PDXK: variants seen among roughly 807,000 people sequenced by gnomAD.
The protein encoded by PDXK is epididymis secretory sperm binding protein Li 1a.
In PDXK, 15 loss-of-function variants were observed where a neutral mutation model predicts 43.2. That is an observed-to-expected ratio of 0.35 (90% confidence interval 0.23 to 0.53). The LOEUF (loss-of-function observed/expected upper bound fraction) is 0.53, where lower values mean the gene tolerates loss of function less well. Ranked by LOEUF, PDXK falls within the 20% of genes least tolerant of loss-of-function variation. The pLI, the probability that PDXK is intolerant of heterozygous loss-of-function variation, is 0.92. For missense variants in PDXK, 343 were observed against 417.0 expected, an observed-to-expected ratio of 0.82 and a Z score of 1.54; for synonymous variants, 172 against 165.4, an observed-to-expected ratio of 1.04 and a Z score of -0.31.
Position 43,735,462 on chromosome 21 carries a change from G to A in PDXK, c.142+1339G>A, listed in dbSNP as rs1170148472. On this transcript the variant is annotated intron_variant, in intron 2 of 10. Coordinates refer to ENST00000291565, the MANE Select transcript of PDXK (RefSeq NM_003681.5). This position sits in a 1 kb window ranked among gnomAD's most constrained non-coding sequence, Gnocchi z 5.3. ...TGGTGGAAGCTTCTCAGTGGGTGGTGGGCTGGCTGACCCGAGGGCCCAGAG... is the reference window on the plus strand; with the variant it reads ...TGGTGGAAGCTTCTCAGTGGGTGGTAGGCTGGCTGACCCGAGGGCCCAGAG... Among the ~76,000 whole-genome samples the A allele has an allele frequency of 6.6e-6, 1 of 152,050 alleles. No homozygotes were observed. Among genetic ancestry groups the A allele is most frequent in the African/African-American group, 2.4e-5 (1 of 41,384 alleles).
intron 1 of PDXK, among the ~76,000 whole-genome samples, chr21:43,724,221 C>T (rs926792932): frequency 1.3e-5 from 2 of 152,126 alleles, no homozygotes; most frequent in African/African-American, 4.8e-5. Context: ...ATGCCATGCC[C>T]GTTAGGCAGG....
At position 43,737,358 on chromosome 21, in the gene PDXK, C is replaced by G; in HGVS notation, c.142+3235C>G. The G allele has an allele frequency of 7.8e-7, 1 of 1,276,596 alleles. No homozygotes were observed. The highest frequency in any genetic ancestry group is 9.9e-7 in the Non-Finnish European group (1 of 1,006,736). 79.1% of individuals were successfully genotyped at this position (1,276,596 alleles called of 1,614,324 possible). A position where few individuals can be genotyped will look rare whatever the true frequency, so the allele number is the denominator to read the frequency against. ...AGGCCCCCGTTCCTTGAGGCCGTAC[C>G]ACAAGGTGCGTTCATTTTTCCACAC... On this transcript the variant is annotated intron_variant, in intron 2 of 10. Transcript: ENST00000291565. This position sits in a 1 kb window ranked among gnomAD's most constrained non-coding sequence, Gnocchi z 4.8.
At chr21:43,755,859 C>A in intron 10 of PDXK, 92 bp from the exon 11 acceptor site, 1 of 1,440,442 alleles carries the variant, frequency 6.9e-7, no homozygotes, top group South Asian at 1.1e-5. Context: ...AAGGTGTGAT[C>A]GGTGTCTCCT....
chr21:43,750,783 GGTGTGTGT>G (rs66931044), intron 7 of PDXK, among the ~76,000 whole-genome samples: 1 of 140,730 alleles, frequency 7.1e-6, no homozygotes, highest in African/African-American at 2.6e-5. Flanking sequence ...ATTGTGTGTG[GGTGTGTGT>G]GTGGATGTGT....
At chr21:43,741,821 C>A (rs1462507139) in intron 3 of PDXK, 50 bp downstream of exon 3, 2 of 1,277,964 alleles carry the variant, frequency 1.6e-6, no homozygotes, top group Admixed American at 1.7e-5. Flanking sequence ...CCACTCCAGC[C>A]AGGGTGGGCT....
intron 4 of PDXK, chr21:43,745,799 C>A (rs182477463): frequency 4.2e-5 from 18 of 427,256 alleles, no homozygotes. Flanking sequence ...GAGTTCAAAA[C>A]CAGCCTCGGC....
In PDXK at chr21:43,762,117, T is replaced by G. The variant is rs2083941563; in HGVS notation, c.*6054T>G. On this transcript the variant is annotated 3_prime_UTR_variant, in exon 11 of 11. Coordinates refer to ENST00000291565, the MANE Select transcript of PDXK (RefSeq NM_003681.5). The stretch of plus-strand genomic sequence containing the variant: ...GCACCTGTCGCCTCCGTGGTCCCCC[T>G]GCTGAGGGAGTGCGGCCTCTGCAAG... 6.5e-6 allele frequency: 1 copy of G among 153,474 alleles called. No homozygotes were observed. Among genetic ancestry groups the G allele is most frequent in the South Asian group, 2.1e-4 (1 of 4,836 alleles). 9.5% of individuals were successfully genotyped at this position (153,474 alleles called of 1,614,324 possible). A position where few individuals can be genotyped will look rare whatever the true frequency, so the allele number is the denominator to read the frequency against.
intron 2 of PDXK, among the ~76,000 whole-genome samples, chr21:43,736,315 C>T (rs1444796285): frequency 6.6e-6 from 1 of 152,184 alleles, no homozygotes; most frequent in Non-Finnish European, 1.5e-5. Flanking sequence ...GCTGCGCTCC[C>T]CGGGCTGTCT....
rs2083369119 is a variant in PDXK at position 43,734,289 on chromosome 21, A to G, written c.142+166A>G. ...GTCGCTCGGGCAGAGCCTGCACAGCATATCAGGGTGTAGGCCTGGGTGGCC... is the reference window on the plus strand; with the variant it reads ...GTCGCTCGGGCAGAGCCTGCACAGCGTATCAGGGTGTAGGCCTGGGTGGCC... On this transcript the variant is annotated intron_variant, in intron 2 of 10. Coordinates refer to ENST00000291565, the MANE Select transcript of PDXK (RefSeq NM_003681.5). The surrounding 1 kb of genome is among the most constrained non-coding windows in gnomAD (Gnocchi z 5.0). Among the ~76,000 whole-genome samples, 1 of 146,628 alleles carries G rather than the reference A, an allele frequency of 6.8e-6. No homozygotes were observed. The highest frequency in any genetic ancestry group is 1.5e-5 in the Non-Finnish European group (1 of 66,422).
In PDXK at chr21:43,761,784, A is replaced by T. The variant is rs971566466; in HGVS notation, c.*5721A>T. ...CACAGCGTGTCGAGCAGCTGGGAGA[A>T]CCTGTGTCAAGCTCGAGCCGTCATA... On this transcript the variant is annotated 3_prime_UTR_variant, in exon 11 of 11. Coordinates refer to ENST00000291565, the MANE Select transcript of PDXK (RefSeq NM_003681.5). The T allele has an allele frequency of 6.6e-6, 1 of 152,204 alleles. No homozygotes were observed. The highest frequency in any genetic ancestry group is 2.4e-5 in the African/African-American group (1 of 41,374). 9.4% of individuals were successfully genotyped at this position (152,204 alleles called of 1,614,324 possible). A position where few individuals can be genotyped will look rare whatever the true frequency, so the allele number is the denominator to read the frequency against.
At chr21:43,745,477 G>C (rs1489901238) in intron 4 of PDXK, among the ~76,000 whole-genome samples, 1 of 151,932 alleles carries the variant, frequency 6.6e-6, no homozygotes, top group East Asian at 1.9e-4. Context: ...GGCAGGGGGA[G>C]TGGGGCGTGA....
intron 10 of PDXK, 47 bp from the exon 11 acceptor site, chr21:43,755,904 G>C (rs1412400475): frequency 4.0e-6 from 6 of 1,506,526 alleles, no homozygotes; most frequent in Non-Finnish European, 3.7e-6. Context: ...GGCAACAGCG[G>C]GAGCCCCTCT....
intron 1 of PDXK, among the ~76,000 whole-genome samples, chr21:43,724,477 G>A (rs1250202039): frequency 2.6e-5 from 4 of 152,138 alleles, no homozygotes; most frequent in African/African-American, 4.8e-5. Context: ...TCCCAGAGAC[G>A]CGTGACGGGG....
In PDXK at chr21:43,737,326, C is replaced by T; in HGVS notation, c.142+3203C>T. 1 of 1,353,092 alleles carries T rather than the reference C, an allele frequency of 7.4e-7. No individual in the cohort carries two copies. 83.8% of individuals were successfully genotyped at this position (1,353,092 alleles called of 1,614,324 possible). A position where few individuals can be genotyped will look rare whatever the true frequency, so the allele number is the denominator to read the frequency against. On this transcript the variant is annotated intron_variant, in intron 2 of 10. Transcript: ENST00000291565. This position sits in a 1 kb window ranked among gnomAD's most constrained non-coding sequence, Gnocchi z 4.8. ...TGCTGCTCGCACTTCTGCCCCTTCC[C>T]CCGGCCAGGCCCCCGTTCCTTGAGG...
chr21:43,736,825 G>C, intron 2 of PDXK: 1 of 663,892 alleles, frequency 1.5e-6, no homozygotes, highest in East Asian at 2.8e-5. Context: ...TAGAGACGGA[G>C]TCTCACTATG....
intron 1 of PDXK, 24 bp downstream of exon 1, chr21:43,719,405 G>A: frequency 1.3e-6 from 2 of 1,515,036 alleles, no homozygotes; most frequent in African/African-American, 1.4e-5. Flanking sequence ...CGCAGCCCGG[G>A]CTTACGTAAC....
At chr21:43,719,979 C>A (rs1051278163) in intron 1 of PDXK, 28 of 940,242 alleles carry the variant, frequency 3.0e-5, no homozygotes, top group Non-Finnish European at 3.2e-5. Context: ...AGGGGCTGCT[C>A]TGCACCCTCT....
In PDXK at chr21:43,737,958, G is replaced by A. The variant is rs140836126; in HGVS notation, c.143-3709G>A. 8 of 985,420 alleles carry A rather than the reference G, an allele frequency of 8.1e-6. No homozygotes were observed. In the Admixed American group the frequency reaches 3.1e-4, roughly 38 times the overall value. 61.0% of individuals were successfully genotyped at this position (985,420 alleles called of 1,614,324 possible). A position where few individuals can be genotyped will look rare whatever the true frequency, so the allele number is the denominator to read the frequency against. Reference sequence around the variant, plus strand: ...AGTGGGCAGGAGGCCACCAAGAGGTGCAAGACCATGCCCTCTGTTTCGATA... The same window carrying A: ...AGTGGGCAGGAGGCCACCAAGAGGTACAAGACCATGCCCTCTGTTTCGATA... On this transcript the variant is annotated intron_variant, in intron 2 of 10. Coordinates refer to ENST00000291565, the MANE Select transcript of PDXK (RefSeq NM_003681.5). This position sits in a 1 kb window ranked among gnomAD's most constrained non-coding sequence, Gnocchi z 4.8.
intron 1 of PDXK, among the ~76,000 whole-genome samples, chr21:43,727,752 G>T (rs2083268921): frequency 6.6e-6 from 1 of 152,226 alleles, no homozygotes; most frequent in African/African-American, 2.4e-5. Flanking sequence ...ACAGCATCCA[G>T]GAGGAGGGTG....
Sources: gnomAD v4.1 joint callset for allele counts (sites outside exome capture counted in the v4.1 genomes callset) on GRCh38, gnomAD v4.1.1 for gene constraint, Gnocchi (gnomAD v3.1) non-coding constraint, MANE v1.5 for transcripts, NCBI Gene and HGNC (gene_info 2026-07-23, HGNC 2026-07-21) for gene names.